Variants in ZNF619 observed in about 807,000 individuals in gnomAD.
ZNF619 encodes the protein zinc finger protein 619.
Under a neutral mutation model 14.2 loss-of-function variants are expected in ZNF619, and 9 were observed. The ratio of observed to expected loss-of-function variants is 0.64; its 90% CI spans 0.38 to 1.11. ZNF619 has a LOEUF of 1.11. Among genes scored for constraint, ZNF619 ranks in the 50% least tolerant of loss-of-function variants. The pLI is 0.01. For missense variants in ZNF619, 659 were observed against 680.1 expected (o/e 0.97, Z 0.34); for synonymous variants, 246 against 252.8 (o/e 0.97, Z 0.26).
rs558333395 is a variant in ZNF619 at position 40,488,603 on chromosome 3, T to G, written c.*362T>G. ...TAGAGACTAGGAGAAATGCAAAGCC[T>G]ATGGGAGAACATAATCAGATAAAGT... On this transcript the variant is annotated 3_prime_UTR_variant, in exon 5 of 5. Coordinates refer to ENST00000432264, the MANE Select transcript of ZNF619 (RefSeq NM_001145093.4). The G allele has an allele frequency of 0.015, 3,034 of 197,046 alleles. 92 individuals are homozygous for G. Among genetic ancestry groups the G allele is most frequent in the African/African-American group, 0.064 (2,753 of 42,826 alleles). 12.2% of individuals were successfully genotyped at this position (197,046 alleles called of 1,614,324 possible). A position where few individuals can be genotyped will look rare whatever the true frequency, so the allele number is the denominator to read the frequency against.
At chr3:40,478,904 GT>G (rs1383018197) in intron 2 of ZNF619, among the ~76,000 whole-genome samples, 1 of 152,200 alleles carries the variant, frequency 6.6e-6, no homozygotes, top group Non-Finnish European at 1.5e-5. Flanking sequence ...GAAGTGTGCT[GT>G]GGGGGTATGC....
chr3:40,481,737 T>C, intron 2 of ZNF619, 126 bp from the exon 3 acceptor site: 1 of 1,259,532 alleles, frequency 7.9e-7, no homozygotes, highest in South Asian at 1.6e-5. Context: ...GGCTCGGGGC[T>C]GCCCCTGCTG....
Position 40,487,460 on chromosome 3 carries a change from A to T in ZNF619, c.950A>T (p.Lys317Ile). 1 of 1,614,162 alleles carries T rather than the reference A, an allele frequency of 6.2e-7. No homozygotes were observed. The highest frequency in any genetic ancestry group is 8.5e-7 in the Non-Finnish European group (1 of 1,180,016). The change falls in exon 5 of 5, where the codon AAA (lysine) becomes ATA (isoleucine). Residue 317 changes from lysine to isoleucine, a missense_variant. Coordinates refer to ENST00000432264, the MANE Select transcript of ZNF619 (RefSeq NM_001145093.4). ...QRIHTGEKPF[K>I]CKECGKAFSC... ...ATCCATACTGGGGAGAAGCCCTTTA[A>T]ATGTAAGGAATGTGGGAAAGCCTTC...
chr3:40,481,851 G>A lies in ZNF619; in HGVS notation c.25-12G>A. 2 of 1,595,050 alleles carry A rather than the reference G, an allele frequency of 1.3e-6. No homozygotes were observed. The highest frequency in any genetic ancestry group is 1.7e-6 in the Non-Finnish European group (2 of 1,172,770). ...TCCTGGAATTCAGGCCTCTCCCTCTGTTCTTGTGCAGGGCTTGGGCAGGAA... is the reference window on the plus strand; with the variant it reads ...TCCTGGAATTCAGGCCTCTCCCTCTATTCTTGTGCAGGGCTTGGGCAGGAA... On this transcript the variant is annotated splice_polypyrimidine_tract_variant and intron_variant, in intron 2 of 4. Transcript: ENST00000432264.
In ZNF619 at chr3:40,478,127, A is replaced by C. The variant is rs1697257972; in HGVS notation, c.24+124A>C. On this transcript the variant is annotated intron_variant, in intron 2 of 4. Coordinates refer to ENST00000432264, the MANE Select transcript of ZNF619 (RefSeq NM_001145093.4). ...ACATCCTTCAATAAAGTATGTAAAA[A>C]CAGTATGCGAGGGGAGTTGACGAAC... The C allele has an allele frequency of 2.9e-5, 27 of 920,912 alleles. No individual in the cohort carries two copies. In the South Asian group the frequency reaches 3.9e-4, roughly 13 times the overall value. The allele number at this position is 920,912 out of a possible 1,614,324, so 57.0% of individuals were successfully genotyped here. A position where few individuals can be genotyped will look rare whatever the true frequency, so the allele number is the denominator to read the frequency against.
chr3:40,482,840 T>C, intron 4 of ZNF619, 136 bp downstream of exon 4: 1 of 660,926 alleles, frequency 1.5e-6, no homozygotes, highest in Admixed American at 3.0e-5. Context: ...CAAAGAAGTG[T>C]TGCTTACCAG....
At chr3:40,482,868 A>G (rs1415782998) in intron 4 of ZNF619, among the ~76,000 whole-genome samples, 164 bp downstream of exon 4, 2 of 152,244 alleles carry the variant, frequency 1.3e-5, no homozygotes, top group East Asian at 3.8e-4. Flanking sequence ...TCCCCGAACT[A>G]GAAAAGACGA....
At chr3:40,477,580 G>T (rs1435086025) in intron 1 of ZNF619, among the ~76,000 whole-genome samples, 1 of 152,094 alleles carries the variant, frequency 6.6e-6, no homozygotes, top group Non-Finnish European at 1.5e-5. Flanking sequence ...ACTTGTTTTG[G>T]GTTTTTGCCA....
chr3:40,484,140 C>T lies in ZNF619; in HGVS notation c.295+1436C>T, dbSNP rs187899972. Among the ~76,000 whole-genome samples, 49 of 151,936 alleles carry T rather than the reference C, an allele frequency of 3.2e-4. No homozygotes were observed. In the East Asian group the frequency reaches 9.2e-3, roughly 29 times the overall value. ...AGGGTTTCACCATGTTGCCCAGGTT[C>T]GTCTTGAACTTCTTACCTCAAGTGA... On this transcript the variant is annotated intron_variant, in intron 4 of 4. Transcript: ENST00000432264.
At chr3:40,485,020 TGGGCTCAA>T (rs1338134170) in intron 4 of ZNF619, among the ~76,000 whole-genome samples, 1 of 152,164 alleles carries the variant, frequency 6.6e-6, no homozygotes, top group East Asian at 1.9e-4. Flanking sequence ...CTCAAATTCC[TGGGCTCAA>T]GTGATTCTTT....
Position 40,486,805 on chromosome 3 carries a change from G to A in ZNF619, c.296-1G>A. On this transcript the variant is annotated splice_acceptor_variant, in intron 4 of 4. Coordinates refer to ENST00000432264, the MANE Select transcript of ZNF619 (RefSeq NM_001145093.4). LOFTEE classifies it high-confidence loss of function. ...TTTATGTTTTCTTTTTATCATGCTA[G>A]GTGGTAAAACCAAGACTGAGAATGA... The A allele has an allele frequency of 6.3e-7, 1 of 1,583,518 alleles. No individual in the cohort carries two copies. Among genetic ancestry groups the A allele is most frequent in the Non-Finnish European group, 8.6e-7 (1 of 1,168,432 alleles).
chr3:40,488,309 T>A lies in ZNF619; in HGVS notation c.*68T>A. 1 of 776,266 alleles carries A rather than the reference T, an allele frequency of 1.3e-6. No individual in the cohort carries two copies. The highest frequency in any genetic ancestry group is 2.2e-6 in the Non-Finnish European group (1 of 456,452). The allele number at this position is 776,266 out of a possible 1,614,324, so 48.1% of individuals were successfully genotyped here. A position where few individuals can be genotyped will look rare whatever the true frequency, so the allele number is the denominator to read the frequency against. Reference sequence around the variant, plus strand: ...ATTCCACTGGTCTCCTGATTGTGTCTATTGATATTCCTCTGGTCTTGTCTT... The same window carrying A: ...ATTCCACTGGTCTCCTGATTGTGTCAATTGATATTCCTCTGGTCTTGTCTT... On this transcript the variant is annotated 3_prime_UTR_variant, in exon 5 of 5. Transcript: ENST00000432264.
chr3:40,482,830 C>T (rs1697451882), intron 4 of ZNF619, 126 bp downstream of exon 4: 5 of 705,626 alleles, frequency 7.1e-6, no homozygotes, highest in Non-Finnish European at 1.2e-5. Context: ...CACTCTTATT[C>T]AAAGAAGTGT....
chr3:40,482,466 C>T (rs1445449398), intron 3 of ZNF619, 122 bp from the exon 4 acceptor site: 4 of 1,558,580 alleles, frequency 2.6e-6, no homozygotes, highest in African/African-American at 2.7e-5. Flanking sequence ...TTCACTCCTC[C>T]CTGACTTCAC....
chr3:40,481,381 G>T (rs1697386682), intron 2 of ZNF619, among the ~76,000 whole-genome samples: 1 of 152,200 alleles, frequency 6.6e-6, no homozygotes, highest in African/African-American at 2.4e-5. Flanking sequence ...ACTATTAATA[G>T]CTTCTGATAA....
intron 2 of ZNF619, among the ~76,000 whole-genome samples, chr3:40,480,360 C>G (rs1697344437): frequency 6.6e-6 from 1 of 152,160 alleles, no homozygotes; most frequent in South Asian, 2.1e-4. Flanking sequence ...CTGTTTTCCT[C>G]TTGTAACTAA....
At position 40,489,460 on chromosome 3, in the gene ZNF619, C is replaced by G. The variant is rs1312674824; in HGVS notation, c.*1219C>G. On this transcript the variant is annotated 3_prime_UTR_variant, in exon 5 of 5. Coordinates refer to ENST00000432264, the MANE Select transcript of ZNF619 (RefSeq NM_001145093.4). ...ACAGAGTTTTGCCATGTTGCCCAGG[C>G]TGGTCTCAAAACTCCTGGACTCAAA... is the stretch of plus-strand genomic sequence containing the variant. 2.0e-5 allele frequency: 3 copies of G among 152,518 alleles called. No individual in the cohort carries two copies. Among genetic ancestry groups the G allele is most frequent in the African/African-American group, 7.3e-5 (3 of 41,268 alleles). 9.4% of individuals were successfully genotyped at this position (152,518 alleles called of 1,614,324 possible). A position where few individuals can be genotyped will look rare whatever the true frequency, so the allele number is the denominator to read the frequency against.
At position 40,489,586 on chromosome 3, in the gene ZNF619, C is replaced by T. The variant is rs1697746559; in HGVS notation, c.*1345C>T. The stretch of plus-strand genomic sequence containing the variant: ...CATATCTGTTGAATTTCAGTACCCA[C>T]TCATATATGTAGGTACAAAAAGTGA... On this transcript the variant is annotated 3_prime_UTR_variant, in exon 5 of 5. Transcript: ENST00000432264. 6.6e-6 allele frequency: 1 copy of T among 151,932 alleles called. No individual in the cohort carries two copies. The highest frequency in any genetic ancestry group is 1.5e-5 in the Non-Finnish European group (1 of 68,018). The allele number at this position is 151,932 out of a possible 1,614,324, so 9.4% of individuals were successfully genotyped here. A position where few individuals can be genotyped will look rare whatever the true frequency, so the allele number is the denominator to read the frequency against.
At position 40,487,501 on chromosome 3, in the gene ZNF619, T is replaced by G; in HGVS notation, c.991T>G (p.Cys331Gly). The change falls in exon 5 of 5, where the codon TGC (cysteine) becomes GGC (glycine). Residue 331 changes from cysteine to glycine, a missense_variant. By Grantham distance (159) the Cys-to-Gly change is radical. Coordinates refer to ENST00000432264, the MANE Select transcript of ZNF619 (RefSeq NM_001145093.4). Reference sequence around the variant, plus strand: ...GAAAGCCTTCAGTTGTAGCTATGACTGCATCATCCATGAACGAATTCACAA... The same window carrying G: ...GAAAGCCTTCAGTTGTAGCTATGACGGCATCATCCATGAACGAATTCACAA... ...CGKAFSCSYD[C>G]IIHERIHNGE... 1 of 1,614,106 alleles carries G rather than the reference T, an allele frequency of 6.2e-7. No individual in the cohort carries two copies. Among genetic ancestry groups the G allele is most frequent in the Admixed American group, 1.7e-5 (1 of 60,006 alleles).
Sources: allele counts gnomAD v4.1 joint callset (sites outside exome capture counted in the v4.1 genomes callset), GRCh38; gene constraint gnomAD v4.1.1; transcripts MANE v1.5; gene names NCBI Gene and HGNC (gene_info 2026-07-23, HGNC 2026-07-21).